MAPK14: variants seen among roughly 807,000 people sequenced by gnomAD.
MAPK14 encodes mitogen-activated protein kinase 14.
MAPK14 carries 16 observed loss-of-function variants against 49.6 expected under a neutral mutation model. The observed-to-expected ratio is 0.32, with a 90% CI of 0.22 to 0.49. The LOEUF (loss-of-function observed/expected upper bound fraction) is 0.49, where lower values mean the gene tolerates loss of function less well. MAPK14 is among the 20% of genes least tolerant of loss of function. MAPK14 has a pLI of 0.99. For missense variants in MAPK14, 200 were observed against 441.2 expected (o/e 0.45, Z 4.90); for synonymous variants, 142 against 158.0 (o/e 0.90, Z 0.76).
intron 3 of MAPK14, among the ~76,000 whole-genome samples, chr6:36,070,855 C>G (rs1295486211): frequency 1.3e-5 from 2 of 151,982 alleles, no homozygotes; most frequent in Non-Finnish European, 2.9e-5. Context: ...CACGTTTATT[C>G]TTATAATATA....
At chr6:36,052,966 A>G (rs1179796804) in intron 2 of MAPK14, 138 bp downstream of exon 2, 1 of 521,420 alleles carries the variant, frequency 1.9e-6, no homozygotes, top group Non-Finnish European at 3.2e-6. Context: ...GTTAGTGGCC[A>G]CTTGGTTATG....
intron 8 of MAPK14, among the ~76,000 whole-genome samples, chr6:36,086,240 A>G (rs549225906): frequency 6.6e-6 from 1 of 152,166 alleles, no homozygotes; most frequent in Non-Finnish European, 1.5e-5. Flanking sequence ...TCACAACTAA[A>G]AGAACTAGGG....
At chr6:36,049,808 G>A (rs1166690225) in intron 1 of MAPK14, among the ~76,000 whole-genome samples, 1 of 152,156 alleles carries the variant, frequency 6.6e-6, no homozygotes, top group East Asian at 1.9e-4. Context: ...GAGGGAGGTG[G>A]CTCCAAAGCA....
At chr6:36,071,566 A>G (rs1194931247) in intron 3 of MAPK14, among the ~76,000 whole-genome samples, 1 of 152,206 alleles carries the variant, frequency 6.6e-6, no homozygotes, top group East Asian at 1.9e-4. Flanking sequence ...CAGATAAAAC[A>G]TGTTCCTCCT....
chr6:36,035,119 G>A (rs1418992719), intron 1 of MAPK14, among the ~76,000 whole-genome samples: 1 of 151,914 alleles, frequency 6.6e-6, no homozygotes, highest in African/African-American at 2.4e-5. Flanking sequence ...GGCTGGTCTC[G>A]AACTCCTGAC....
At chr6:36,053,867 A>G (rs1763491591) in intron 2 of MAPK14, among the ~76,000 whole-genome samples, 1 of 152,196 alleles carries the variant, frequency 6.6e-6, no homozygotes, top group African/African-American at 2.4e-5. Context: ...TGGATTATGG[A>G]TGCCATTATA....
At chr6:36,059,194 C>T in intron 2 of MAPK14, 95 bp from the exon 3 acceptor site, 1 of 792,550 alleles carries the variant, frequency 1.3e-6, no homozygotes, top group Admixed American at 2.4e-5. Context: ...CCGGCCTAGA[C>T]CCTGACTCTT....
At chr6:36,112,205 CAA>C (rs11387797), downstream of MAPK14, among the ~76,000 whole-genome samples, 7 of 138,264 alleles carry the variant, frequency 5.1e-5, no homozygotes, top group Admixed American at 7.1e-5. Context: ...GACTCCGTCT[CAA>C]AAAAAAAAAA....
intron 8 of MAPK14, 73 bp from the exon 9 acceptor site, chr6:36,095,914 T>G: frequency 1.0e-6 from 1 of 955,576 alleles, no homozygotes; most frequent in Non-Finnish European, 1.6e-6. Flanking sequence ...TTTGTTTGTT[T>G]TTGTTTTGTT....
chr6:36,040,081 T>C (rs1380050518), intron 1 of MAPK14, among the ~76,000 whole-genome samples: 1 of 152,144 alleles, frequency 6.6e-6, no homozygotes, highest in Non-Finnish European at 1.5e-5. Context: ...CTCTGTAGTT[T>C]TGGATCTTGA....
chr6:36,040,917 T>G (rs1762938103), intron 1 of MAPK14, among the ~76,000 whole-genome samples: 2 of 152,232 alleles, frequency 1.3e-5, no homozygotes, highest in African/African-American at 4.8e-5. Context: ...TAGTACATTG[T>G]GAATTAATTT....
chr6:36,067,616 G>A (rs1161763637), intron 3 of MAPK14, among the ~76,000 whole-genome samples: 2 of 152,152 alleles, frequency 1.3e-5, no homozygotes, highest in African/African-American at 4.8e-5. Context: ...ACTGATGCAG[G>A]TAATGTAGAG....
rs1046547499 is a variant in MAPK14 at position 36,076,883 on chromosome 6, C to T, written c.682+275C>T. On this transcript the variant is annotated intron_variant, in intron 8 of 11. Coordinates refer to ENST00000229794, the MANE Select transcript of MAPK14 (RefSeq NM_139012.3). Reference sequence around the variant, plus strand: ...CAGTCCCTTATTAATCATCCCACAGCAGTTCTGAGACCTGAGCATACTCAT... The same window carrying T: ...CAGTCCCTTATTAATCATCCCACAGTAGTTCTGAGACCTGAGCATACTCAT... 1.1e-3 allele frequency: 295 copies of T among 279,072 alleles called. 1 individual carries two copies. Among genetic ancestry groups the T allele is most frequent in the Non-Finnish European group, 1.5e-4 (23 of 148,542 alleles). The allele number at this position is 279,072 out of a possible 1,614,324, so 17.3% of individuals were successfully genotyped here.
At chr6:36,073,204 G>A in intron 4 of MAPK14, 1 of 533,494 alleles carries the variant, frequency 1.9e-6, no homozygotes. Flanking sequence ...CCAAGCCCTG[G>A]ATTATTTTAA....
intron 8 of MAPK14, among the ~76,000 whole-genome samples, chr6:36,088,786 C>T (rs1765097935): frequency 6.6e-6 from 1 of 151,442 alleles, no homozygotes; most frequent in South Asian, 2.1e-4. Flanking sequence ...GACATTTATA[C>T]AGCCAACAAA....
chr6:36,123,166 G>T, the MAPK14 span, among the ~76,000 whole-genome samples: 1 of 152,138 alleles, frequency 6.6e-6, no homozygotes, highest in Non-Finnish European at 1.5e-5. Context: ...ATAGGGAGAG[G>T]ATCTGGCTCA....
At chr6:36,121,226 C>T in the MAPK14 span, among the ~76,000 whole-genome samples, 2 of 152,320 alleles carry the variant, frequency 1.3e-5, no homozygotes, top group East Asian at 3.9e-4. Flanking sequence ...AAAGGCAGGG[C>T]CTGTCCGGAT....
At chr6:36,048,725 CAG>C (rs1763281352) in intron 1 of MAPK14, among the ~76,000 whole-genome samples, 1 of 152,174 alleles carries the variant, frequency 6.6e-6, no homozygotes. Context: ...ATTGAGATAA[CAG>C]AGCCATGGAG....
chr6:36,035,951 C>T (rs925991250), intron 1 of MAPK14, among the ~76,000 whole-genome samples: 8 of 152,068 alleles, frequency 5.3e-5, no homozygotes, highest in African/African-American at 1.9e-4. Flanking sequence ...TGGCTGGGGG[C>T]GGTGGCTAAC....
Sources: gnomAD v4.1 joint callset for allele counts (sites outside exome capture counted in the v4.1 genomes callset) on GRCh38, gnomAD v4.1.1 for gene constraint, MANE v1.5 for transcripts, NCBI Gene and HGNC (gene_info 2026-07-23, HGNC 2026-07-21) for gene names.